The following ALG6 variants were observed in gnomAD, a reference collection of about 807,000 sequenced individuals.
The protein encoded by ALG6 is dolichyl pyrophosphate Man9GlcNAc2 alpha-1,3-glucosyltransferase.
A neutral mutation model predicts 66.6 loss-of-function variants in ALG6; 46 were observed. That is an observed-to-expected ratio of 0.69 (90% CI 0.55 to 0.88). The LOEUF is 0.88. Among genes scored for constraint, ALG6 ranks in the 40% least tolerant of loss-of-function variants. The pLI is 0.00. For synonymous variants in ALG6, 185 were observed against 203.7 expected, an observed-to-expected ratio of 0.91 and a Z score of 0.78; for missense variants, 505 against 586.8, an observed-to-expected ratio of 0.86 and a Z score of 1.44.
intron 2 of ALG6, among the ~76,000 whole-genome samples, chr1:63,373,236 A>G (rs1315995728): frequency 6.8e-6 from 1 of 146,378 alleles, no homozygotes; most frequent in African/African-American, 2.5e-5. Context: ...TGAACTCCTG[A>G]GCTCAAGTGA....
chr1:63,413,474 T>C (rs1280006746), intron 9 of ALG6, among the ~76,000 whole-genome samples: 4 of 152,192 alleles, frequency 2.6e-5, no homozygotes, highest in Non-Finnish European at 5.9e-5. Context: ...TCAGTGATAG[T>C]TACTTTTTTG....
chr1:63,425,497 G>A (rs936713269), intron 12 of ALG6, among the ~76,000 whole-genome samples: 1 of 152,198 alleles, frequency 6.6e-6, no homozygotes, highest in Non-Finnish European at 1.5e-5. Context: ...GAGAGGGAAA[G>A]TCATTAGCCA....
chr1:63,406,882 T>A (rs977747163), intron 6 of ALG6, among the ~76,000 whole-genome samples, 180 bp from the exon 7 acceptor site: 1 of 152,070 alleles, frequency 6.6e-6, no homozygotes, highest in Non-Finnish European at 1.5e-5. Context: ...AATGTCACCT[T>A]CATGAAAACT....
chr1:63,421,834 G>A (rs1431098795), intron 12 of ALG6, among the ~76,000 whole-genome samples: 1 of 151,238 alleles, frequency 6.6e-6, no homozygotes, highest in Non-Finnish European at 1.5e-5. Context: ...CAGAACACAT[G>A]GAAACGGAAG....
At chr1:63,420,224 T>G (rs773662789) in intron 12 of ALG6, among the ~76,000 whole-genome samples, 15 of 152,072 alleles carry the variant, frequency 9.9e-5, no homozygotes, top group African/African-American at 1.7e-4. Context: ...AATAAAACAG[T>G]CTCATATCAT....
chr1:63,435,702 G>A (rs1216929610), intron 14 of ALG6, among the ~76,000 whole-genome samples: 4 of 152,086 alleles, frequency 2.6e-5, no homozygotes, highest in South Asian at 4.2e-4. Flanking sequence ...TGTCCAGTAC[G>A]GTAGCCACTA....
intron 5 of ALG6, among the ~76,000 whole-genome samples, chr1:63,404,789 C>T (rs940887217): frequency 6.6e-6 from 1 of 151,990 alleles, no homozygotes; most frequent in Admixed American, 6.6e-5. Flanking sequence ...TCTTTGAACA[C>T]CTAAATGAGA....
At chr1:63,411,522 A>G (rs936813512) in intron 8 of ALG6, among the ~76,000 whole-genome samples, 191 bp downstream of exon 8, 3 of 152,186 alleles carry the variant, frequency 2.0e-5, no homozygotes, top group Admixed American at 1.3e-4. Context: ...CTAACTAGAG[A>G]AATATTTCAA....
intron 2 of ALG6, among the ~76,000 whole-genome samples, chr1:63,380,107 G>A (rs1220786402): frequency 1.3e-5 from 2 of 152,282 alleles, no homozygotes; most frequent in East Asian, 3.9e-4. Context: ...AGAAGAAACT[G>A]TGTAGTAGGC....
rs1018529096 is a variant in ALG6 at position 63,436,818 on chromosome 1, T to G, written c.1327-5T>G. 1 of 1,613,342 alleles carries G rather than the reference T, an allele frequency of 6.2e-7. No individual in the cohort carries two copies. The highest frequency in any genetic ancestry group is 8.5e-7 in the Non-Finnish European group (1 of 1,179,502). On this transcript the variant is annotated splice_polypyrimidine_tract_variant and splice_region_variant and intron_variant, in intron 14 of 14. Transcript: ENST00000263440. ...ACTACTCAGTAATCCTTTTTTTCCT[T>G]GCAGTTTCTTATCTCAGTCATCACT... is the stretch of plus-strand genomic sequence containing the variant.
chr1:63,393,300 T>C (rs947169884), intron 2 of ALG6, among the ~76,000 whole-genome samples: 10 of 152,208 alleles, frequency 6.6e-5, no homozygotes, highest in African/African-American at 2.4e-4. Flanking sequence ...AAAATTTTTA[T>C]TATTGTAGGT....
chr1:63,415,427 A>G (rs1378498221), intron 10 of ALG6, among the ~76,000 whole-genome samples: 1 of 152,136 alleles, frequency 6.6e-6, no homozygotes, highest in Non-Finnish European at 1.5e-5. Flanking sequence ...TGGGCTTGAA[A>G]ATCAGATAAT....
At chr1:63,368,689 T>TG (rs1647809687) in intron 1 of ALG6, among the ~76,000 whole-genome samples, 1 of 151,900 alleles carries the variant, frequency 6.6e-6, no homozygotes, top group Non-Finnish European at 1.5e-5. Context: ...TTAGTAGAGA[T>TG]GGGGTTTCAC....
intron 9 of ALG6, among the ~76,000 whole-genome samples, chr1:63,412,499 A>G (rs1644522231): frequency 6.6e-6 from 1 of 152,344 alleles, no homozygotes; most frequent in South Asian, 2.1e-4. Flanking sequence ...AGGGTTTGTA[A>G]TGAAAGACAG....
intron 8 of ALG6, 107 bp from the exon 9 acceptor site, chr1:63,411,819 T>A (rs1644517795): frequency 3.5e-6 from 5 of 1,448,534 alleles, no homozygotes; most frequent in Non-Finnish European, 4.8e-6. Context: ...AACATAGATT[T>A]GGCATTACTA....
In ALG6 at chr1:63,437,050, C is replaced by G; in HGVS notation, c.*30C>G. 1 of 1,592,916 alleles carries G rather than the reference C, an allele frequency of 6.3e-7. No homozygotes were observed. The highest frequency in any genetic ancestry group is 8.6e-7 in the Non-Finnish European group (1 of 1,164,072). On this transcript the variant is annotated 3_prime_UTR_variant, in exon 15 of 15. Transcript: ENST00000263440. ...ATTCCTAAACAAATTGTTTCCTAAACAAATGTGAAAATGTGAACAGTGCTG... is the reference window on the plus strand; with the variant it reads ...ATTCCTAAACAAATTGTTTCCTAAAGAAATGTGAAAATGTGAACAGTGCTG...
intron 12 of ALG6, among the ~76,000 whole-genome samples, chr1:63,421,572 A>T (rs985377899): frequency 6.6e-6 from 1 of 152,186 alleles, no homozygotes; most frequent in Admixed American, 6.5e-5. Context: ...ACACATGCAC[A>T]TGTATGTTTA....
chr1:63,378,836 T>C (rs889439617), intron 2 of ALG6, among the ~76,000 whole-genome samples: 12 of 151,632 alleles, frequency 7.9e-5, no homozygotes, highest in Non-Finnish European at 1.3e-4. Context: ...TTCCTGTTCA[T>C]TAGTTTTTAG....
intron 14 of ALG6, among the ~76,000 whole-genome samples, chr1:63,430,247 A>T (rs1644638964): frequency 6.6e-6 from 1 of 152,150 alleles, no homozygotes; most frequent in African/African-American, 2.4e-5. Flanking sequence ...TTTATTACCA[A>T]ATTATATTCC....
Sources: gnomAD v4.1 joint callset for allele counts (sites outside exome capture counted in the v4.1 genomes callset) on GRCh38, gnomAD v4.1.1 for gene constraint, MANE v1.5 for transcripts, NCBI Gene and HGNC (gene_info 2026-07-23, HGNC 2026-07-21) for gene names.